The following SKAP2 variants were observed in gnomAD, a reference collection of about 807,000 sequenced individuals.
SKAP2 encodes the protein src kinase associated phosphoprotein 2.
SKAP2 carries 28 observed loss-of-function variants against 54.9 expected under a neutral mutation model. The observed-to-expected ratio is 0.51, with a 90% CI of 0.38 to 0.70. The LOEUF (loss-of-function observed/expected upper bound fraction) is 0.70. Among genes scored for constraint, SKAP2 ranks in the 30% least tolerant of loss-of-function variants. The pLI is 0.00. For missense variants in SKAP2, 356 were observed against 424.1 expected, an observed-to-expected ratio of 0.84 and a Z score of 1.41; for synonymous variants, 137 against 134.3, an observed-to-expected ratio of 1.02 and a Z score of -0.14.
intron 3 of SKAP2, among the ~76,000 whole-genome samples, chr7:26,848,297 T>C (rs1385464223): frequency 6.6e-6 from 1 of 152,158 alleles, no homozygotes; most frequent in Non-Finnish European, 1.5e-5. Context: ...GGAAATGAAG[T>C]AATATACAGG....
chr7:26,854,105 A>T (rs1405778465), intron 3 of SKAP2, 32 bp downstream of exon 3: 5 of 1,523,464 alleles, frequency 3.3e-6, no homozygotes, highest in Non-Finnish European at 4.5e-6. Context: ...AGAGGAAAAA[A>T]ATTTTCAAGT....
intron 4 of SKAP2, among the ~76,000 whole-genome samples, chr7:26,825,147 G>C (rs1784462227): frequency 6.6e-6 from 1 of 152,130 alleles, no homozygotes; most frequent in Non-Finnish European, 1.5e-5. Context: ...CATTGGCAAA[G>C]AAAGCAAGCA....
chr7:26,687,102 A>T (rs767356394), intron 10 of SKAP2, among the ~76,000 whole-genome samples: 1 of 151,606 alleles, frequency 6.6e-6, no homozygotes, highest in Non-Finnish European at 1.5e-5. Context: ...GAAGGAAAAG[A>T]AAAGTATATG....
intron 9 of SKAP2, among the ~76,000 whole-genome samples, chr7:26,718,138 G>C (rs1171119654): frequency 6.6e-6 from 1 of 152,124 alleles, no homozygotes; most frequent in Non-Finnish European, 1.5e-5. Flanking sequence ...GATGCTGGGG[G>C]ATTCCCAACA....
chr7:26,666,310 T>C (rs1386401380), downstream of SKAP2, among the ~76,000 whole-genome samples: 1 of 152,192 alleles, frequency 6.6e-6, no homozygotes, highest in Non-Finnish European at 1.5e-5. Context: ...GGGTTAATTT[T>C]CTTCTAATGG....
intron 9 of SKAP2, among the ~76,000 whole-genome samples, chr7:26,714,933 T>A (rs1308289530): frequency 6.6e-6 from 1 of 152,180 alleles, no homozygotes. Flanking sequence ...AAGACTCCAG[T>A]TTAAAAGTCT....
chr7:26,765,088 T>G (rs1584376675), intron 4 of SKAP2, among the ~76,000 whole-genome samples: 2 of 152,302 alleles, frequency 1.3e-5, no homozygotes, highest in Admixed American at 1.3e-4. Flanking sequence ...TAATTTACAC[T>G]CCCACCAACA....
At chr7:26,800,073 A>C (rs1436687859) in intron 4 of SKAP2, among the ~76,000 whole-genome samples, 1 of 151,614 alleles carries the variant, frequency 6.6e-6, no homozygotes, top group Non-Finnish European at 1.5e-5. Context: ...GCAGTGAGCC[A>C]AGATTGCGCC....
intron 4 of SKAP2, among the ~76,000 whole-genome samples, chr7:26,781,618 T>C (rs1232974890): frequency 6.6e-6 from 1 of 152,192 alleles, no homozygotes; most frequent in Non-Finnish European, 1.5e-5. Context: ...CATTTTAAGT[T>C]TCATTTAAAC....
At chr7:26,841,233 C>T (rs3801817) in intron 4 of SKAP2, among the ~76,000 whole-genome samples, 6,952 of 151,936 alleles carry the variant, frequency 0.046, 407 homozygotes, top group East Asian at 0.3. Context: ...AGGTCCAATG[C>T]GAAAATCAAA....
At chr7:26,747,543 A>G (rs900831290) in intron 4 of SKAP2, among the ~76,000 whole-genome samples, 7 of 151,028 alleles carry the variant, frequency 4.6e-5, no homozygotes, top group African/African-American at 1.7e-4. Context: ...TGCCTTTATT[A>G]ACTCTAAAGG....
At chr7:26,737,310 C>T (rs184350439) in intron 6 of SKAP2, among the ~76,000 whole-genome samples, 59 of 152,284 alleles carry the variant, frequency 3.9e-4, no homozygotes, top group South Asian at 2.1e-3. Context: ...TCACTACTGA[C>T]CCTTAGCAGA....
intron 10 of SKAP2, among the ~76,000 whole-genome samples, chr7:26,687,388 A>G (rs910140791): frequency 1.3e-5 from 2 of 151,964 alleles, no homozygotes; most frequent in East Asian, 2.0e-4. Context: ...GATGTTACCC[A>G]AAGACCAACC....
chr7:26,864,284 T>C, intron 1 of SKAP2, 79 bp downstream of exon 1: 3 of 1,565,000 alleles, frequency 1.9e-6, no homozygotes, highest in East Asian at 2.3e-5. Flanking sequence ...ATAAGGGCTC[T>C]GAATGCTTCT....
chr7:26,747,967 A>C (rs1393225822), intron 4 of SKAP2, among the ~76,000 whole-genome samples: 1 of 152,196 alleles, frequency 6.6e-6, no homozygotes, highest in East Asian at 1.9e-4. Flanking sequence ...ACCAACATCC[A>C]TTAAAATAAT....
rs896286316 is a variant in SKAP2 at position 26,669,192 on chromosome 7, A to G, written c.*474T>C. On this transcript the variant is annotated 3_prime_UTR_variant, in exon 13 of 13. Transcript: ENST00000345317. Reference sequence around the variant, plus strand: ...CATTCTTTAGCATTCTTTGTTTAGCAACCACATTCTTCAGCATCTACCAAA... The same window carrying G: ...CATTCTTTAGCATTCTTTGTTTAGCGACCACATTCTTCAGCATCTACCAAA... 2.0e-5 allele frequency: 3 copies of G among 152,302 alleles called. No individual in the cohort carries two copies. Among genetic ancestry groups the G allele is most frequent in the Non-Finnish European group, 4.4e-5 (3 of 68,014 alleles). The allele number at this position is 152,302 out of a possible 1,614,324, so 9.4% of individuals were successfully genotyped here.
chr7:26,683,535 T>TGGATGGATGGAAGGAAGGAA (rs1554293151), intron 11 of SKAP2, among the ~76,000 whole-genome samples: 1 of 147,058 alleles, frequency 6.8e-6, no homozygotes, highest in Admixed American at 6.8e-5. Flanking sequence ...GATGGATGGA[T>TGGATGGATGGAAGGAAGGAA]GGAAGGAAGG....
intron 9 of SKAP2, among the ~76,000 whole-genome samples, chr7:26,704,127 C>T (rs937402254): frequency 6.6e-6 from 1 of 152,138 alleles, no homozygotes; most frequent in Non-Finnish European, 1.5e-5. Flanking sequence ...AACTGACAAT[C>T]GTTTAAAAAA....
At chr7:26,756,049 AAAT>A (rs1782783967) in intron 4 of SKAP2, among the ~76,000 whole-genome samples, 1 of 152,196 alleles carries the variant, frequency 6.6e-6, no homozygotes, top group Non-Finnish European at 1.5e-5. Flanking sequence ...AAGCCATTCT[AAAT>A]AATGCTATAG....
Sources: gnomAD v4.1 joint callset for allele counts (sites outside exome capture counted in the v4.1 genomes callset) on GRCh38, gnomAD v4.1.1 for gene constraint, MANE v1.5 for transcripts, NCBI Gene and HGNC (gene_info 2026-07-23, HGNC 2026-07-21) for gene names.